The following TNNT3 variants were observed in gnomAD, a reference collection of about 807,000 sequenced individuals.
TNNT3 encodes the protein troponin T, fast skeletal muscle.
In TNNT3, 36 loss-of-function variants were observed where a neutral mutation model predicts 54.2. The ratio of observed to expected loss-of-function variants is 0.66; its 90% CI spans 0.51 to 0.88. The LOEUF (loss-of-function observed/expected upper bound fraction) is 0.88, where lower values mean the gene tolerates loss of function less well. Among genes scored for constraint, TNNT3 ranks in the 40% least tolerant of loss-of-function variants. TNNT3 has a pLI of 0.00. For synonymous variants in TNNT3, 120 were observed against 109.7 expected (o/e 1.09, Z -0.59); for missense variants, 291 against 331.6 (o/e 0.88, Z 0.95).
chr11:1,926,585 T>C (rs372996814), intron 5 of TNNT3, 110 bp from the exon 6 acceptor site: 36 of 1,608,320 alleles, frequency 2.2e-5, no homozygotes, highest in Non-Finnish European at 3.1e-5. Flanking sequence ...CAGCCTGGCC[T>C]GCTCGCTCCG....
chr11:1,938,689 G>A lies in TNNT3; in HGVS notation c.*197G>A. 1.4e-6 allele frequency: 1 copy of A among 693,820 alleles called. No individual in the cohort carries two copies. 43.0% of individuals were successfully genotyped at this position (693,820 alleles called of 1,614,324 possible). On this transcript the variant is annotated 3_prime_UTR_variant, in exon 16 of 16. Transcript: ENST00000278317. Reference sequence around the variant, plus strand: ...TCATCCCCTGGGGCCTGTGAATAAAGCTGCAGAACCCCCTTCACAGTCTGT... The same window carrying A: ...TCATCCCCTGGGGCCTGTGAATAAAACTGCAGAACCCCCTTCACAGTCTGT...
In TNNT3 at chr11:1,934,523, C is replaced by A. The variant is rs139862804; in HGVS notation, c.481-23C>A. 13,677 of 1,606,464 alleles carry A rather than the reference C, an allele frequency of 8.5e-3. 69 individuals are homozygous for A. The highest frequency in any genetic ancestry group is 9.3e-3 in the Non-Finnish European group (10,973 of 1,176,466). On this transcript the variant is annotated intron_variant, in intron 12 of 15. Transcript: ENST00000278317. ...TGTGCCCTCCTGAGACCAGGCCCCTCTCTTTGGGCCTGTCCGCTGCAGGCT... is the reference window on the plus strand; with the variant it reads ...TGTGCCCTCCTGAGACCAGGCCCCTATCTTTGGGCCTGTCCGCTGCAGGCT...
intron 14 of TNNT3, among the ~76,000 whole-genome samples, chr11:1,935,768 C>A (rs1854833793): frequency 6.6e-6 from 1 of 152,034 alleles, no homozygotes; most frequent in South Asian, 2.1e-4. Flanking sequence ...GCCCACGGGG[C>A]TTGTGCTCTA....
chr11:1,926,980 G>C (rs1227977486), intron 6 of TNNT3, among the ~76,000 whole-genome samples: 3 of 152,214 alleles, frequency 2.0e-5, no homozygotes, highest in African/African-American at 7.2e-5. Context: ...GAAGGTGGGA[G>C]GTGGGGGTGG....
chr11:1,924,219 A>AC (rs1346369761), intron 4 of TNNT3, among the ~76,000 whole-genome samples: 5 of 149,112 alleles, frequency 3.4e-5, no homozygotes, highest in South Asian at 2.2e-4. Context: ...CCTCCATGCC[A>AC]CCCCCCAACC....
At position 1,925,437 on chromosome 11, in the gene TNNT3, A is replaced by G. The variant is rs936917419; in HGVS notation, c.67+321A>G. On this transcript the variant is annotated intron_variant, in intron 5 of 15. Coordinates refer to ENST00000278317, the MANE Select transcript of TNNT3 (RefSeq NM_006757.4). ...CTAATGTAACCCACTAACCGCGGCC[A>G]ATGCTTGACCAGAGAGAGAATGGGG... 9 of 764,974 alleles carry G rather than the reference A, an allele frequency of 1.2e-5. No individual in the cohort carries two copies. The African/African-American group carries it at 1.4e-4, about 12-fold the overall frequency. The allele number at this position is 764,974 out of a possible 1,614,324, so 47.4% of individuals were successfully genotyped here. A position where few individuals can be genotyped will look rare whatever the true frequency, so the allele number is the denominator to read the frequency against.
Position 1,924,448 on chromosome 11 carries a change from C to T in TNNT3, c.50-651C>T, listed in dbSNP as rs533126959. The stretch of plus-strand genomic sequence containing the variant: ...ACGCAACCTTAGCAGGCAGGGCTGT[C>T]CTGTGAGGAGTCCTGAGTGCTATGT... On this transcript the variant is annotated intron_variant, in intron 4 of 15. Transcript: ENST00000278317. Among the ~76,000 whole-genome samples, 23 of 152,352 alleles carry T rather than the reference C, an allele frequency of 1.5e-4. No individual in the cohort carries two copies. The South Asian group carries it at 4.8e-3, about 32-fold the overall frequency.
intron 3 of TNNT3, 34 bp downstream of exon 3, chr11:1,923,095 G>T (rs1168988461): frequency 1.2e-6 from 2 of 1,612,812 alleles, no homozygotes; most frequent in Non-Finnish European, 1.7e-6. Flanking sequence ...TCTACTTCCT[G>T]CTCTAGAAGG....
chr11:1,934,964 C>T, intron 14 of TNNT3, 45 bp downstream of exon 14: 2 of 1,577,182 alleles, frequency 1.3e-6, no homozygotes, highest in Non-Finnish European at 1.7e-6. Context: ...CGGCTTTCAC[C>T]CACCAGCAGA....
chr11:1,934,409 T>C lies in TNNT3; in HGVS notation c.444T>C (p.Ser148=), dbSNP rs1882741. 2.5e-6 allele frequency: 4 copies of C among 1,613,840 alleles called. No homozygotes were observed. Among genetic ancestry groups the C allele is most frequent in the Non-Finnish European group, 3.4e-6 (4 of 1,180,036 alleles). Residue 148 remains serine (S), a synonymous_variant, in exon 12 of 16, where the codon TCT becomes TCC. Coordinates refer to ENST00000278317, the MANE Select transcript of TNNT3 (RefSeq NM_006757.4). The part of the protein sequence containing the change: ...EDDLKKKKAL[S]SMGANYSSYL... ...ACCTGAAGAAGAAGAAAGCTCTGTC[T>C]TCCATGGGAGCCAACTACAGCAGCT...
At chr11:1,925,321 C>T in intron 5 of TNNT3, 1 of 1,548,986 alleles carries the variant, frequency 6.5e-7, no homozygotes, top group Non-Finnish European at 8.8e-7. Flanking sequence ...GGCCCGGGGC[C>T]TGGCTGGAGC....
intron 1 of TNNT3, chr11:1,921,762 G>C (rs947362615): frequency 1.3e-5 from 2 of 152,344 alleles, no homozygotes; most frequent in East Asian, 1.9e-4. Context: ...ACACTCCCAG[G>C]GGGGACCGTA....
intron 8 of TNNT3, 85 bp downstream of exon 8, chr11:1,929,913 A>C: frequency 6.7e-7 from 1 of 1,497,524 alleles, no homozygotes; most frequent in Non-Finnish European, 9.1e-7. Flanking sequence ...TGGCAGGCCC[A>C]GTGCCGAGTG....
Position 1,934,023 on chromosome 11 carries a change from C to T in TNNT3, c.366+15C>T, listed in dbSNP as rs748158766. Reference sequence around the variant, plus strand: ...ACAGACTGGCGGTGAGGGCACCATCCGCACTGCTGCCTCATCAGAGAATGA... The same window carrying T: ...ACAGACTGGCGGTGAGGGCACCATCTGCACTGCTGCCTCATCAGAGAATGA... On this transcript the variant is annotated intron_variant, in intron 11 of 15. Transcript: ENST00000278317. The T allele has an allele frequency of 7.5e-6, 12 of 1,609,170 alleles. No individual in the cohort carries two copies. The highest frequency in any genetic ancestry group is 2.2e-5 in the East Asian group (1 of 44,830).
At chr11:1,937,705 C>T (rs752638087) in intron 15 of TNNT3, among the ~76,000 whole-genome samples, 20 of 152,208 alleles carry the variant, frequency 1.3e-4, no homozygotes, top group Non-Finnish European at 2.4e-4. Flanking sequence ...CTCCTCCTGT[C>T]GCCTTGGCTT....
intron 1 of TNNT3, among the ~76,000 whole-genome samples, chr11:1,920,236 G>A (rs969778051): frequency 3.3e-5 from 5 of 152,164 alleles, no homozygotes; most frequent in Admixed American, 1.3e-4. Context: ...CTCCAACACC[G>A]CCATTTTGTA....
chr11:1,934,384 A>G lies in TNNT3; in HGVS notation c.419A>G (p.Asp140Gly), dbSNP rs972779077. The G allele has an allele frequency of 6.2e-7, 1 of 1,613,796 alleles. No individual in the cohort carries two copies. The highest frequency in any genetic ancestry group is 1.3e-5 in the African/African-American group (1 of 74,932). Residue 140 changes from aspartate (D) to glycine (G), a missense_variant, in exon 12 of 16, where the codon GAC becomes GGC. Transcript: ENST00000278317. ...GATGCCAAGAGGAGGGCAGAGGACG[A>G]CCTGAAGAAGAAGAAAGCTCTGTCT... ...EEDAKRRAEDDLKKKKALSSM... is the reference protein window; with the variant it reads ...EEDAKRRAEDGLKKKKALSSM...
intron 8 of TNNT3, 43 bp downstream of exon 8, chr11:1,929,871 G>A: frequency 2.7e-6 from 4 of 1,508,548 alleles, no homozygotes; most frequent in Non-Finnish European, 3.6e-6. Flanking sequence ...AGTGTGTTCT[G>A]GGGTGGGGGT....
At chr11:1,929,932 G>A in intron 8 of TNNT3, 104 bp downstream of exon 8, 1 of 1,459,166 alleles carries the variant, frequency 6.9e-7, no homozygotes, top group Non-Finnish European at 9.4e-7. Flanking sequence ...TGTGTTCTGG[G>A]GTGGCGGTGG....
Sources: gnomAD v4.1 joint callset for allele counts (sites outside exome capture counted in the v4.1 genomes callset) on GRCh38, gnomAD v4.1.1 for gene constraint, MANE v1.5 for transcripts, NCBI Gene and HGNC (gene_info 2026-07-23, HGNC 2026-07-21) for gene names.